BCR: variants seen among roughly 807,000 people sequenced by gnomAD.
BCR encodes the protein BCR activator of RhoGEF and GTPase, also known as breakpoint cluster region protein.
Under a neutral mutation model 138.6 loss-of-function variants are expected in BCR, and 58 were observed. That is an observed-to-expected ratio of 0.42 (90% CI 0.34 to 0.52). The LOEUF (loss-of-function observed/expected upper bound fraction) is 0.52. BCR is among the 20% of genes least tolerant of loss of function. The pLI is 0.06. For synonymous variants in BCR, 786 were observed against 730.1 expected (o/e 1.08, Z -1.23); for missense variants, 1,599 against 1,727.2 (o/e 0.93, Z 1.32).
chr22:23,192,244 ACT>A (rs3055925), intron 1 of BCR, among the ~76,000 whole-genome samples: 4,605 of 152,128 alleles, frequency 0.03, 243 homozygotes, highest in African/African-American at 0.11. Flanking sequence ...GGTATGAGAC[ACT>A]CTGGCCTGGA....
chr22:23,297,595 C>G (rs1472245757), intron 16 of BCR, among the ~76,000 whole-genome samples: 1 of 152,176 alleles, frequency 6.6e-6, no homozygotes, highest in Non-Finnish European at 1.5e-5. Context: ...GCATTCCTCC[C>G]CCACAGTCCA....
intron 1 of BCR, among the ~76,000 whole-genome samples, chr22:23,232,031 G>A (rs948296454): frequency 1.3e-5 from 2 of 152,210 alleles, no homozygotes; most frequent in Admixed American, 1.3e-4. Context: ...CCCAGCCCAG[G>A]GGCTTGCTCT....
At chr22:23,268,041 C>A (rs968741702) in intron 4 of BCR, among the ~76,000 whole-genome samples, 5 of 152,218 alleles carry the variant, frequency 3.3e-5, no homozygotes, top group Non-Finnish European at 7.3e-5. Context: ...CTCTTGCAGC[C>A]AGAATGGGAA....
chr22:23,238,560 C>T (rs910795982), intron 1 of BCR, among the ~76,000 whole-genome samples: 8 of 152,112 alleles, frequency 5.3e-5, no homozygotes, highest in African/African-American at 1.9e-4. Context: ...AACCTTCAAC[C>T]TTCATCTGTA....
chr22:23,224,036 C>T (rs2072860343), intron 1 of BCR, among the ~76,000 whole-genome samples: 1 of 152,262 alleles, frequency 6.6e-6, no homozygotes, highest in Non-Finnish European at 1.5e-5. Flanking sequence ...CAGTTTATCT[C>T]TCTTTTCCAC....
At position 23,289,632 on chromosome 22, in the gene BCR, C is replaced by CG; in HGVS notation, c.2707+11_2707+12insG. 1 of 1,609,768 alleles carries CG rather than the reference C, an allele frequency of 6.2e-7. No individual in the cohort carries two copies. Among genetic ancestry groups the CG allele is most frequent in the Non-Finnish European group, 8.5e-7 (1 of 1,176,138 alleles). ...CCATCAATAAGGAAGGTGGGCCCCC[C>CG]CGTTTCCGTGTACAGGGCACCTGCA... On this transcript the variant is annotated intron_variant, in intron 13 of 22. Coordinates refer to ENST00000305877, the MANE Select transcript of BCR (RefSeq NM_004327.4).
chr22:23,230,725 G>A (rs1413958702), intron 1 of BCR, among the ~76,000 whole-genome samples: 1 of 152,246 alleles, frequency 6.6e-6, no homozygotes, highest in East Asian at 1.9e-4. Flanking sequence ...TTTCCAGGGA[G>A]AGAAAGCCTT....
chr22:23,276,928 G>A (rs1212646482), intron 8 of BCR, among the ~76,000 whole-genome samples: 1 of 152,242 alleles, frequency 6.6e-6, no homozygotes, highest in Non-Finnish European at 1.5e-5. Context: ...AGGGTCCGTG[G>A]CCCCTCCACT....
Position 23,264,198 on chromosome 22 carries a change from G to A in BCR, c.1752+2658G>A, listed in dbSNP as rs560563235. 372 of 1,226,644 alleles carry A rather than the reference G, an allele frequency of 3.0e-4. 1 individual carries two copies. The African/African-American group carries it at 4.9e-3, about 16-fold the overall frequency. The allele number at this position is 1,226,644 out of a possible 1,614,324, so 76.0% of individuals were successfully genotyped here. ...TGCCACAGGTTCCTCCTTCTATAGC[G>A]TTGTACGGCTGTGGGACCGGCACCA... On this transcript the variant is annotated intron_variant, in intron 4 of 22. Transcript: ENST00000305877.
intron 1 of BCR, among the ~76,000 whole-genome samples, chr22:23,186,257 C>CT (rs1229782089): frequency 1.3e-5 from 2 of 152,232 alleles, no homozygotes; most frequent in Admixed American, 1.3e-4. Context: ...TGATTCTAGG[C>CT]TGTGTGCTTT....
intron 1 of BCR, among the ~76,000 whole-genome samples, chr22:23,188,797 T>C (rs2146198037): frequency 6.6e-6 from 1 of 152,264 alleles, no homozygotes; most frequent in South Asian, 2.1e-4. Flanking sequence ...AGTGTAGTTA[T>C]TTTAATTAAA....
At chr22:23,275,883 C>T (rs1029341318) in intron 8 of BCR, among the ~76,000 whole-genome samples, 76 of 152,174 alleles carry the variant, frequency 5.0e-4, no homozygotes, top group Non-Finnish European at 1.0e-4. Flanking sequence ...CTAGTCTGCT[C>T]CCTGCAACTG....
intron 1 of BCR, among the ~76,000 whole-genome samples, chr22:23,197,338 C>G (rs1373968204): frequency 6.6e-6 from 1 of 152,044 alleles, no homozygotes; most frequent in Admixed American, 6.6e-5. Flanking sequence ...ATGACATTGC[C>G]TAATGATGCA....
chr22:23,273,254 C>T, intron 7 of BCR, 121 bp downstream of exon 7: 1 of 1,121,896 alleles, frequency 8.9e-7, no homozygotes. Flanking sequence ...CTACTGGCAT[C>T]TAATGGGTAG....
intron 4 of BCR, among the ~76,000 whole-genome samples, chr22:23,262,377 C>T (rs1408245788): frequency 1.3e-5 from 2 of 152,194 alleles, no homozygotes; most frequent in South Asian, 2.1e-4. Context: ...TAGGGGGACC[C>T]CTCCCTCTGC....
intron 2 of BCR, among the ~76,000 whole-genome samples, chr22:23,260,415 G>T (rs1474001956): frequency 6.6e-6 from 1 of 152,206 alleles, no homozygotes; most frequent in Non-Finnish European, 1.5e-5. Flanking sequence ...CCTGTGGCTG[G>T]GAGGGAGGGC....
chr22:23,209,350 A>G (rs1261529497), intron 1 of BCR, among the ~76,000 whole-genome samples: 1 of 150,226 alleles, frequency 6.7e-6, no homozygotes, highest in Non-Finnish European at 1.5e-5. Context: ...ACAGAGTGAG[A>G]CTCTGTCTCA....
chr22:23,269,097 A>G (rs1447117658), intron 5 of BCR, among the ~76,000 whole-genome samples: 1 of 152,258 alleles, frequency 6.6e-6, no homozygotes, highest in African/African-American at 2.4e-5. Flanking sequence ...CTGAAACCTC[A>G]AACCATGTGG....
At chr22:23,263,997 A>G (rs1023552616) in intron 4 of BCR, 3 of 894,566 alleles carry the variant, frequency 3.4e-6, no homozygotes, top group Non-Finnish European at 5.7e-6. Context: ...CTTTCCCCCA[A>G]GGGCTGGGGT....
Sources: allele counts gnomAD v4.1 joint callset (sites outside exome capture counted in the v4.1 genomes callset), GRCh38; gene constraint gnomAD v4.1.1; transcripts MANE v1.5; gene names NCBI Gene and HGNC (gene_info 2026-07-23, HGNC 2026-07-21).